The following NDST3 variants were observed in gnomAD, a reference collection of about 807,000 sequenced individuals.
NDST3 encodes the protein N-deacetylase and N-sulfotransferase 3.
In NDST3, 58 loss-of-function variants were observed where a neutral mutation model predicts 96.1. The observed-to-expected ratio is 0.60, with a 90% CI of 0.49 to 0.75. The LOEUF is 0.75. Among genes scored for constraint, NDST3 ranks in the 30% least tolerant of loss-of-function variants. The pLI, the probability that NDST3 is intolerant of heterozygous loss-of-function variation, is 0.00. For missense variants in NDST3, 788 were observed against 1,034.2 expected (o/e 0.76, Z 3.27); for synonymous variants, 333 against 359.7 (o/e 0.93, Z 0.84).
chr4:118,035,175 G>T (rs751099737), intron 1 of NDST3, among the ~76,000 whole-genome samples: 2 of 151,936 alleles, frequency 1.3e-5, no homozygotes, highest in Non-Finnish European at 2.9e-5. Flanking sequence ...ATCTTTAAGG[G>T]GTTTACTCAG....
chr4:118,033,341 G>A (rs1209119980), upstream of NDST3, among the ~76,000 whole-genome samples: 1 of 152,082 alleles, frequency 6.6e-6, no homozygotes, highest in Admixed American at 6.5e-5. Context: ...GCGTCGCCTC[G>A]GGGACTCGCA....
intron 1 of NDST3, among the ~76,000 whole-genome samples, chr4:118,046,485 G>A (rs1724767706): frequency 6.6e-6 from 1 of 152,206 alleles, no homozygotes; most frequent in African/African-American, 2.4e-5. Context: ...ACTGGATCAT[G>A]TCTGTTCTGC....
At chr4:118,159,456 T>C (rs976174467) in intron 6 of NDST3, among the ~76,000 whole-genome samples, 3 of 152,174 alleles carry the variant, frequency 2.0e-5, no homozygotes, top group Non-Finnish European at 2.9e-5. Flanking sequence ...TTTGTTCCTA[T>C]ACAAACCCTG....
chr4:118,189,373 A>G (rs1737161331), intron 6 of NDST3, among the ~76,000 whole-genome samples: 1 of 152,138 alleles, frequency 6.6e-6, no homozygotes, highest in African/African-American at 2.4e-5. Context: ...AAAGTTAAAC[A>G]TTTCTTATTT....
At chr4:118,165,451 G>C (rs537668045) in intron 6 of NDST3, among the ~76,000 whole-genome samples, 4 of 152,098 alleles carry the variant, frequency 2.6e-5, no homozygotes, top group Admixed American at 2.6e-4. Flanking sequence ...TAACTGAAGG[G>C]AGAAATAGAC....
chr4:118,058,242 G>A (rs1725592209), intron 2 of NDST3, among the ~76,000 whole-genome samples: 1 of 151,870 alleles, frequency 6.6e-6, no homozygotes, highest in Non-Finnish European at 1.5e-5. Flanking sequence ...CTGCATGGAT[G>A]TTATTTTTTT....
intron 2 of NDST3, among the ~76,000 whole-genome samples, chr4:118,074,525 T>A (rs1373100457): frequency 6.6e-6 from 1 of 152,204 alleles, no homozygotes; most frequent in Non-Finnish European, 1.5e-5. Context: ...TGATCATTGT[T>A]GGTTTAAAGG....
chr4:118,051,647 G>A (rs141843891), intron 1 of NDST3, among the ~76,000 whole-genome samples: 2 of 151,904 alleles, frequency 1.3e-5, no homozygotes, highest in Non-Finnish European at 2.9e-5. Context: ...AAGAAATAAG[G>A]CATCTAAATA....
At chr4:118,132,959 T>G (rs927022453) in intron 4 of NDST3, among the ~76,000 whole-genome samples, 1 of 152,170 alleles carries the variant, frequency 6.6e-6, no homozygotes, top group Admixed American at 6.5e-5. Context: ...CTCTTTACTC[T>G]TTGCTCTCCT....
intron 4 of NDST3, among the ~76,000 whole-genome samples, chr4:118,135,704 C>G (rs1345101677): frequency 6.6e-6 from 1 of 152,056 alleles, no homozygotes; most frequent in Non-Finnish European, 1.5e-5. Context: ...CCACACTGCA[C>G]CAGCACACAA....
chr4:118,175,041 C>G (rs1736188346), intron 6 of NDST3, among the ~76,000 whole-genome samples: 1 of 152,134 alleles, frequency 6.6e-6, no homozygotes, highest in African/African-American at 2.4e-5. Flanking sequence ...GGACTTCATG[C>G]TACCTTGATA....
At chr4:118,161,813 C>T (rs1467317917) in intron 6 of NDST3, among the ~76,000 whole-genome samples, 1 of 152,150 alleles carries the variant, frequency 6.6e-6, no homozygotes, top group Non-Finnish European at 1.5e-5. Flanking sequence ...CTCCCTGATC[C>T]CTTGAGCTTC....
At chr4:118,151,007 A>C (rs1305294366) in intron 6 of NDST3, among the ~76,000 whole-genome samples, 1 of 151,814 alleles carries the variant, frequency 6.6e-6, no homozygotes, top group Non-Finnish European at 1.5e-5. Context: ...ACAATGATAG[A>C]CTGGATTAAG....
chr4:118,066,066 AT>A (rs1726294034), intron 2 of NDST3, among the ~76,000 whole-genome samples: 1 of 116,888 alleles, frequency 8.6e-6, no homozygotes, highest in Non-Finnish European at 1.7e-5. Flanking sequence ...TAAAATATAT[AT>A]TTTATATATA....
intron 4 of NDST3, among the ~76,000 whole-genome samples, chr4:118,120,342 G>A (rs1005891038): frequency 2.0e-5 from 3 of 152,182 alleles, no homozygotes; most frequent in South Asian, 2.1e-4. Context: ...GGAGCAGGGG[G>A]GAAAGGTGGG....
chr4:118,043,696 T>C (rs1724595465), intron 1 of NDST3, among the ~76,000 whole-genome samples: 1 of 152,190 alleles, frequency 6.6e-6, no homozygotes, highest in Non-Finnish European at 1.5e-5. Context: ...GGTCAGTCCA[T>C]CCTGAAGTTT....
At chr4:118,238,833 C>A (rs1171811011) in intron 10 of NDST3, among the ~76,000 whole-genome samples, 1 of 152,174 alleles carries the variant, frequency 6.6e-6, no homozygotes, top group African/African-American at 2.4e-5. Flanking sequence ...AAGGCTGTCG[C>A]AGAGAAGCCC....
intron 2 of NDST3, among the ~76,000 whole-genome samples, chr4:118,059,169 G>A (rs1014834782): frequency 1.3e-5 from 2 of 151,840 alleles, no homozygotes; most frequent in African/African-American, 4.8e-5. Flanking sequence ...TGAAGAACCC[G>A]CCCAGTCACA....
In NDST3 at chr4:118,224,751, T is replaced by G. The variant is rs527805052; in HGVS notation, c.1722+78T>G. On this transcript the variant is annotated intron_variant, in intron 7 of 13. Coordinates refer to ENST00000296499, the MANE Select transcript of NDST3 (RefSeq NM_004784.3). ...TGTGAGATATCCCAAATTTGAAAAGTGAAGGCACCTGAAAAAACCTGCATT... is the reference window on the plus strand; with the variant it reads ...TGTGAGATATCCCAAATTTGAAAAGGGAAGGCACCTGAAAAAACCTGCATT... 109 of 1,273,142 alleles carry G rather than the reference T, an allele frequency of 8.6e-5. No individual in the cohort carries two copies. In the East Asian group the frequency reaches 2.8e-3, roughly 33 times the overall value. The allele number at this position is 1,273,142 out of a possible 1,614,324, so 78.9% of individuals were successfully genotyped here. A position where few individuals can be genotyped will look rare whatever the true frequency, so the allele number is the denominator to read the frequency against.
Sources: allele counts gnomAD v4.1 joint callset (sites outside exome capture counted in the v4.1 genomes callset), GRCh38; gene constraint gnomAD v4.1.1; transcripts MANE v1.5; gene names NCBI Gene and HGNC (gene_info 2026-07-23, HGNC 2026-07-21).